Variants in AHRR observed in about 807,000 individuals in gnomAD.
AHRR encodes the protein aryl hydrocarbon receptor repressor.
A neutral mutation model predicts 44.0 loss-of-function variants in AHRR; 28 were observed. The ratio of observed to expected loss-of-function variants is 0.64; its 90% CI spans 0.47 to 0.87. The LOEUF is 0.87. Ranked by LOEUF, AHRR falls within the 40% of genes least tolerant of loss-of-function variation. The probability of loss-of-function intolerance (pLI) is 0.00; values close to 1 mark genes in which losing one functional copy is unlikely to be tolerated. For synonymous variants in AHRR, 434 were observed against 407.0 expected, an observed-to-expected ratio of 1.07 and a Z score of -0.80; for missense variants, 990 against 953.9, an observed-to-expected ratio of 1.04 and a Z score of -0.50.
At position 434,695 on chromosome 5, in the gene AHRR, C is replaced by T; in HGVS notation, c.1955C>T (p.Ala652Val). The T allele has an allele frequency of 1.3e-6, 2 of 1,572,768 alleles. No individual in the cohort carries two copies. The highest frequency in any genetic ancestry group is 1.7e-6 in the Non-Finnish European group (2 of 1,158,934). Residue 652 changes from alanine to valine, a missense_variant, in exon 11 of 11, where the codon GCC becomes GTC. Transcript: ENST00000684583. Reference protein sequence around the residue: ...QSCTCRAAEAAPVVKREPLDS... With the variant: ...QSCTCRAAEAVPVVKREPLDS... ...TGCACCTGCAGAGCTGCTGAGGCCG[C>T]CCCTGTGGTCAAGCGGGAGCCCTTG...
At position 404,102 on chromosome 5, in the gene AHRR, T is replaced by C. The variant is rs2126499010; in HGVS notation, c.352-9242T>C. On this transcript the variant is annotated intron_variant, in intron 4 of 10. Coordinates refer to ENST00000684583, the MANE Select transcript of AHRR (RefSeq NM_001377236.1). This position sits in a 1 kb window ranked among gnomAD's most constrained non-coding sequence, Gnocchi z 4.1. Reference sequence around the variant, plus strand: ...GAAAAAGTCAGTTCCGTTGTCAGGGTTGGTCCAGGTTTGGGGTTACCCTTC... The same window carrying C: ...GAAAAAGTCAGTTCCGTTGTCAGGGCTGGTCCAGGTTTGGGGTTACCCTTC... The C allele has an allele frequency of 3.3e-6, 2 of 597,258 alleles. No individual in the cohort carries two copies. The highest frequency in any genetic ancestry group is 6.4e-6 in the Non-Finnish European group (2 of 314,744). The allele number at this position is 597,258 out of a possible 1,614,324, so 37.0% of individuals were successfully genotyped here.
chr5:327,521 G>T (rs1432603421), intron 1 of AHRR, among the ~76,000 whole-genome samples: 1 of 152,102 alleles, frequency 6.6e-6, no homozygotes, highest in East Asian at 1.9e-4. Context: ...ATGACCTCCA[G>T]TTCCATCCAT....
chr5:367,779 G>T (rs1743414124), intron 3 of AHRR: 6 of 697,264 alleles, frequency 8.6e-6, no homozygotes, highest in Non-Finnish European at 1.6e-5. Flanking sequence ...GCTGGGTTCT[G>T]TCCCCCTCCT....
chr5:433,286 T>C (rs2126551320), intron 10 of AHRR, among the ~76,000 whole-genome samples: 1 of 151,972 alleles, frequency 6.6e-6, no homozygotes, highest in Non-Finnish European at 1.5e-5. Flanking sequence ...CAGAGCCCTC[T>C]CTCCCCCCTC....
chr5:379,933 T>C (rs946177877), intron 4 of AHRR, among the ~76,000 whole-genome samples: 19 of 152,252 alleles, frequency 1.2e-4, no homozygotes, highest in Admixed American at 6.5e-4. Context: ...TTTTCTTTTA[T>C]GCTTTCTTCT....
At chr5:376,589 G>A (rs1181123814) in intron 3 of AHRR, 21 bp from the exon 4 acceptor site, 7 of 646,462 alleles carry the variant, frequency 1.1e-5, no homozygotes, top group East Asian at 9.7e-5. Flanking sequence ...GGTGCCTAAT[G>A]TGTCTTTTCT....
rs975653464 is a variant in AHRR, at chr5:411,974, G to A, written c.352-1370G>A. On this transcript the variant is annotated intron_variant, in intron 4 of 10. Transcript: ENST00000684583. This position sits in a 1 kb window ranked among gnomAD's most constrained non-coding sequence, Gnocchi z 4.2. ...CATTGCTGCCATGGACAGATCCTGCGACTCAGAGGCCACCGTCTTTCGCGC... is the reference window on the plus strand; with the variant it reads ...CATTGCTGCCATGGACAGATCCTGCAACTCAGAGGCCACCGTCTTTCGCGC... Among the ~76,000 whole-genome samples the A allele has an allele frequency of 4.6e-5, 7 of 152,302 alleles. No individual in the cohort carries two copies. The East Asian group carries it at 9.6e-4, about 21-fold the overall frequency.
intron 1 of AHRR, among the ~76,000 whole-genome samples, chr5:341,532 C>CT (rs35385059): frequency 0.098 from 10,115 of 103,624 alleles, 588 homozygotes; most frequent in Non-Finnish European, 0.13. Flanking sequence ...CCTTTTCCTT[C>CT]TTTTTTTTTT....
intron 5 of AHRR, among the ~76,000 whole-genome samples, chr5:415,212 A>G: frequency 6.6e-6 from 1 of 152,244 alleles, no homozygotes; most frequent in East Asian, 1.9e-4. Flanking sequence ...TGCACTACCC[A>G]GCACCTCTGC....
intron 2 of AHRR, among the ~76,000 whole-genome samples, chr5:345,897 C>T (rs774179939): frequency 1.3e-5 from 2 of 152,104 alleles, no homozygotes; most frequent in African/African-American, 2.4e-5. Flanking sequence ...TTATGGTAAA[C>T]AGTAAAGAGA....
rs1212848727 is a variant in AHRR at position 395,913 on chromosome 5, C to T, written c.352-17431C>T. Among the ~76,000 whole-genome samples, 1 of 152,186 alleles carries T rather than the reference C, an allele frequency of 6.6e-6. No homozygotes were observed. Among genetic ancestry groups the T allele is most frequent in the East Asian group, 1.9e-4 (1 of 5,196 alleles). Reference sequence around the variant, plus strand: ...AGCTTCCTCCATGCAGTGATGTTGCCTGGCTCTAAGGGGCTCCTGGTACGA... The same window carrying T: ...AGCTTCCTCCATGCAGTGATGTTGCTTGGCTCTAAGGGGCTCCTGGTACGA... On this transcript the variant is annotated intron_variant, in intron 4 of 10. Coordinates refer to ENST00000684583, the MANE Select transcript of AHRR (RefSeq NM_001377236.1). This position sits in a 1 kb window ranked among gnomAD's most constrained non-coding sequence, Gnocchi z 5.3.
chr5:343,114 T>A (rs536308086), intron 1 of AHRR, among the ~76,000 whole-genome samples: 1 of 152,138 alleles, frequency 6.6e-6, no homozygotes, highest in South Asian at 2.1e-4. Context: ...GAGAGGAGAT[T>A]ATGCTGTTGC....
chr5:391,373 T>C (rs55730445), intron 4 of AHRR, among the ~76,000 whole-genome samples: 22,883 of 67,978 alleles, frequency 0.34, 2,531 homozygotes, highest in African/African-American at 0.52. Flanking sequence ...AGAGCGTGCA[T>C]GGGCGCAGGG....
chr5:408,595 C>T (rs1735360777), intron 4 of AHRR, among the ~76,000 whole-genome samples: 1 of 152,086 alleles, frequency 6.6e-6, no homozygotes, highest in African/African-American at 2.4e-5. Context: ...CTTAATATTT[C>T]ATTTAGCACA....
chr5:391,341 G>A (rs551618268), intron 4 of AHRR, among the ~76,000 whole-genome samples: 44 of 126,560 alleles, frequency 3.5e-4, no homozygotes, highest in African/African-American at 7.2e-4. Flanking sequence ...AGGGCGAGGC[G>A]GGCGCAGGGC....
intron 3 of AHRR, among the ~76,000 whole-genome samples, chr5:355,310 G>A (rs1206332488): frequency 2.0e-5 from 3 of 152,172 alleles, no homozygotes; most frequent in Non-Finnish European, 2.9e-5. Context: ...CTGGGCATGG[G>A]CACCAGCATG....
intron 1 of AHRR, among the ~76,000 whole-genome samples, chr5:339,514 C>T (rs1409443960): frequency 6.6e-6 from 1 of 151,958 alleles, no homozygotes; most frequent in Admixed American, 6.6e-5. Flanking sequence ...TATTTATTTC[C>T]CAGTTTTGAG....
chr5:334,554 A>G (rs1300866051), intron 1 of AHRR, among the ~76,000 whole-genome samples: 1 of 152,008 alleles, frequency 6.6e-6, no homozygotes, highest in Admixed American at 6.6e-5. Context: ...TAAAAAATGT[A>G]TCTATCTCCT....
Position 404,470 on chromosome 5 carries a change from T to C in AHRR, c.352-8874T>C, listed in dbSNP as rs1579675931. 1 of 492,798 alleles carries C rather than the reference T, an allele frequency of 2.0e-6. No homozygotes were observed. The highest frequency in any genetic ancestry group is 5.4e-5 in the East Asian group (1 of 18,690). The allele number at this position is 492,798 out of a possible 1,614,324, so 30.5% of individuals were successfully genotyped here. ...GCTGGTGCTGTCGTGCACGGTGTGT[T>C]CACCAAAACATCTAACGCAACTATT... On this transcript the variant is annotated intron_variant, in intron 4 of 10. Transcript: ENST00000684583. The surrounding 1 kb of genome is among the most constrained non-coding windows in gnomAD (Gnocchi z 4.1).
Sources: allele counts gnomAD v4.1 joint callset (sites outside exome capture counted in the v4.1 genomes callset), GRCh38; gene constraint gnomAD v4.1.1; non-coding constraint Gnocchi (gnomAD v3.1); transcripts MANE v1.5; gene names NCBI Gene and HGNC (gene_info 2026-07-23, HGNC 2026-07-21).